The following MED12L variants were observed in gnomAD, a reference collection of about 807,000 sequenced individuals.
The protein encoded by MED12L is mediator complex subunit 12L.
In MED12L, 60 loss-of-function variants were observed where a neutral mutation model predicts 281.3. The ratio of observed to expected loss-of-function variants is 0.21; its 90% CI spans 0.17 to 0.26. The LOEUF (loss-of-function observed/expected upper bound fraction) is 0.26, where lower values mean the gene tolerates loss of function less well. MED12L is among the 10% of genes least tolerant of loss of function. The pLI, the probability that MED12L is intolerant of heterozygous loss-of-function variation, is 1.00. For synonymous variants in MED12L, 974 were observed against 987.2 expected (o/e 0.99, Z 0.25); for missense variants, 2,146 against 2,680.9 (o/e 0.80, Z 4.41).
chr3:151,166,099 C>T (rs1214128135), intron 11 of MED12L, 117 bp downstream of exon 11: 58 of 772,814 alleles, frequency 7.5e-5, no homozygotes, highest in Non-Finnish European at 1.0e-4. Context: ...CTTATGAAGA[C>T]ATACACACTT....
intron 16 of MED12L, among the ~76,000 whole-genome samples, chr3:151,268,623 G>A (rs960099537): frequency 1.2e-4 from 18 of 152,168 alleles, no homozygotes; most frequent in Middle Eastern, 6.8e-3. Context: ...TCCCATTAGT[G>A]GTTTTTTAAA....
intron 12 of MED12L, among the ~76,000 whole-genome samples, chr3:151,187,257 A>G (rs1315685304): frequency 6.6e-6 from 1 of 152,150 alleles, no homozygotes; most frequent in Non-Finnish European, 1.5e-5. Context: ...CTAAAATGAA[A>G]TTTCCCAAAT....
intron 32 of MED12L, 95 bp from the exon 33 acceptor site, chr3:151,382,556 AAAGAT>A: frequency 1.6e-6 from 1 of 633,184 alleles, no homozygotes; most frequent in Admixed American, 3.8e-5. Context: ...TTAATTTGTT[AAAGAT>A]AAGAAGTGGT....
In MED12L at chr3:151,239,000, A is replaced by G. The variant is rs1380895075; in HGVS notation, c.2250+45334A>G. On this transcript the variant is annotated intron_variant, in intron 16 of 44. Transcript: ENST00000687756. ...AACTGAGAGACAATTTTTGACAATGATAAAATTCAAGCTTTCAAACTGAAA... is the reference window on the plus strand; with the variant it reads ...AACTGAGAGACAATTTTTGACAATGGTAAAATTCAAGCTTTCAAACTGAAA... Among the ~76,000 whole-genome samples, 5 of 152,352 alleles carry G rather than the reference A, an allele frequency of 3.3e-5. No homozygotes were observed. In the East Asian group the frequency reaches 9.6e-4, roughly 29 times the overall value.
In MED12L at chr3:151,357,270, G is replaced by C. The variant is rs1056058731; in HGVS notation, c.2719G>C (p.Ala907Pro). ...ACTGCTCCTAAAATCCTCCAGCCTG[G>C]CAGGAAGTTATACAACAGGACTGTG... ...AELLLKSSSL[A>P]GSYTTGLCVC... Residue 907 changes from alanine (A) to proline (P), a missense_variant, in exon 20 of 45, where the codon GCA becomes CCA. Ala to Pro is a conservative substitution (Grantham distance 27). Transcript: ENST00000687756. The C allele has an allele frequency of 6.2e-7, 1 of 1,613,564 alleles. No individual in the cohort carries two copies. Among genetic ancestry groups the C allele is most frequent in the Admixed American group, 1.7e-5 (1 of 59,934 alleles).
intron 5 of MED12L, among the ~76,000 whole-genome samples, chr3:151,154,591 G>A (rs865799934): frequency 2.0e-5 from 3 of 152,172 alleles, no homozygotes; most frequent in Non-Finnish European, 4.4e-5. Flanking sequence ...TAGCTCCTGA[G>A]GCTAAAATAT....
intron 2 of MED12L, 65 bp downstream of exon 2, chr3:151,087,090 G>C: frequency 7.4e-7 from 1 of 1,358,690 alleles, no homozygotes; most frequent in Non-Finnish European, 1.0e-6. Flanking sequence ...CCGGGGCCAA[G>C]TTGGCCCAGC....
At chr3:151,255,500 C>G (rs1347071505) in intron 16 of MED12L, among the ~76,000 whole-genome samples, 1 of 152,102 alleles carries the variant, frequency 6.6e-6, no homozygotes, top group Non-Finnish European at 1.5e-5. Flanking sequence ...TGCCCACCAA[C>G]TTTGGTTCTG....
intron 43 of MED12L, among the ~76,000 whole-genome samples, chr3:151,426,654 C>T (rs1224246110): frequency 6.6e-6 from 1 of 152,012 alleles, no homozygotes; most frequent in African/African-American, 2.4e-5. Flanking sequence ...ACCCAAAGAG[C>T]TTTTGTGTAT....
At chr3:151,313,532 T>A (rs914544055) in intron 16 of MED12L, among the ~76,000 whole-genome samples, 1 of 141,512 alleles carries the variant, frequency 7.1e-6, no homozygotes, top group Non-Finnish European at 1.6e-5. Flanking sequence ...TACCTTAAGG[T>A]TGTCTGAGTT....
chr3:151,406,207 G>GT (rs1044848595), intron 39 of MED12L, among the ~76,000 whole-genome samples: 38 of 152,174 alleles, frequency 2.5e-4, no homozygotes, highest in African/African-American at 5.8e-4. Flanking sequence ...ACATTTAAAA[G>GT]TTTTTTTACT....
At chr3:151,310,471 A>T (rs565769783) in intron 16 of MED12L, among the ~76,000 whole-genome samples, 1 of 152,280 alleles carries the variant, frequency 6.6e-6, no homozygotes, top group Admixed American at 6.5e-5. Flanking sequence ...TCAATACAAC[A>T]TTGGTTCTTT....
chr3:151,254,072 TA>T (rs1394436176), intron 16 of MED12L, among the ~76,000 whole-genome samples: 1 of 151,870 alleles, frequency 6.6e-6, no homozygotes, highest in Non-Finnish European at 1.5e-5. Context: ...AGAAACAATT[TA>T]AAAAAACATA....
intron 2 of MED12L, among the ~76,000 whole-genome samples, chr3:151,106,307 T>C (rs56724566): frequency 2.6e-3 from 144 of 54,704 alleles, no homozygotes; most frequent in East Asian, 4.2e-3. Context: ...TTCCTTTTCC[T>C]TCTCCCCTCC....
chr3:151,230,633 A>G (rs1731483077), intron 16 of MED12L, among the ~76,000 whole-genome samples: 1 of 139,970 alleles, frequency 7.1e-6, no homozygotes, highest in South Asian at 2.2e-4. Context: ...TCTATGTGTT[A>G]TTGCTTTTCT....
intron 16 of MED12L, among the ~76,000 whole-genome samples, chr3:151,265,203 A>T (rs1739606158): frequency 6.6e-6 from 1 of 152,210 alleles, no homozygotes; most frequent in African/African-American, 2.4e-5. Flanking sequence ...CCAAAGACGG[A>T]ATAAACAAAG....
intron 16 of MED12L, among the ~76,000 whole-genome samples, chr3:151,218,007 G>C (rs1361820462): frequency 6.6e-6 from 1 of 152,088 alleles, no homozygotes; most frequent in African/African-American, 2.4e-5. Flanking sequence ...CATTAAAAAA[G>C]ACATGCATCA....
At chr3:151,371,937 T>C (rs987465698) in intron 26 of MED12L, among the ~76,000 whole-genome samples, 2 of 152,188 alleles carry the variant, frequency 1.3e-5, no homozygotes, top group Admixed American at 6.5e-5. Flanking sequence ...CTAAGTATAC[T>C]AAAGATTTAT....
At chr3:151,281,871 A>C (rs1223528637) in intron 16 of MED12L, among the ~76,000 whole-genome samples, 2 of 152,214 alleles carry the variant, frequency 1.3e-5, no homozygotes, top group African/African-American at 4.8e-5. Context: ...AAATAGAATG[A>C]GTTTAACACA....
Sources: gnomAD v4.1 joint callset for allele counts (sites outside exome capture counted in the v4.1 genomes callset) on GRCh38, gnomAD v4.1.1 for gene constraint, MANE v1.5 for transcripts, NCBI Gene and HGNC (gene_info 2026-07-23, HGNC 2026-07-21) for gene names.